The following NLGN1 variants were observed in gnomAD, a reference collection of about 807,000 sequenced individuals.
The protein encoded by NLGN1 is neuroligin 1.
NLGN1 carries 12 observed loss-of-function variants against 65.5 expected under a neutral mutation model. The observed-to-expected ratio is 0.18, with a 90% confidence interval of 0.12 to 0.30. The LOEUF is 0.30. Ranked by LOEUF, NLGN1 falls within the 10% of genes least tolerant of loss-of-function variation. NLGN1 has a pLI of 1.00. For missense variants in NLGN1, 750 were observed against 1,007.1 expected (o/e 0.74, Z 3.46); for synonymous variants, 350 against 359.5 (o/e 0.97, Z 0.30).
chr3:174,157,021 AT>A (rs1273043666), intron 4 of NLGN1, among the ~76,000 whole-genome samples: 2 of 149,846 alleles, frequency 1.3e-5, no homozygotes, highest in African/African-American at 4.9e-5. Context: ...GTAGAAAAAA[AT>A]ATATGTATAT....
At chr3:173,770,029 A>G (rs569706273) in intron 3 of NLGN1, among the ~76,000 whole-genome samples, 2 of 152,206 alleles carry the variant, frequency 1.3e-5, no homozygotes, top group African/African-American at 2.4e-5. Flanking sequence ...TATTCCAAGG[A>G]TACAGCAAAG....
chr3:173,561,452 T>C (rs1742715223), intron 2 of NLGN1, among the ~76,000 whole-genome samples: 1 of 152,164 alleles, frequency 6.6e-6, no homozygotes, highest in Non-Finnish European at 1.5e-5. Flanking sequence ...AGCCTTATTA[T>C]CTTCAGGCAG....
intron 3 of NLGN1, among the ~76,000 whole-genome samples, chr3:173,706,317 GA>G (rs1436964959): frequency 1.3e-5 from 2 of 152,082 alleles, no homozygotes; most frequent in African/African-American, 2.4e-5. Context: ...CCACTTTTTA[GA>G]AATAGATGTA....
intron 4 of NLGN1, among the ~76,000 whole-genome samples, chr3:173,831,856 T>C (rs1380099384): frequency 1.3e-5 from 2 of 152,212 alleles, no homozygotes; most frequent in African/African-American, 4.8e-5. Flanking sequence ...ATATTTAGAT[T>C]CTCTTTCTCT....
chr3:173,499,750 C>A (rs1312905979), intron 2 of NLGN1, among the ~76,000 whole-genome samples: 1 of 151,820 alleles, frequency 6.6e-6, no homozygotes, highest in African/African-American at 2.4e-5. Context: ...GTTTGTAGTT[C>A]TCCTTGAAGA....
At chr3:173,472,858 G>A (rs1725533933) in intron 2 of NLGN1, among the ~76,000 whole-genome samples, 1 of 152,090 alleles carries the variant, frequency 6.6e-6, no homozygotes, top group East Asian at 1.9e-4. Flanking sequence ...CTGAGTGTTT[G>A]ACCCAAATGG....
chr3:173,462,351 T>G (rs1222618000), intron 2 of NLGN1, among the ~76,000 whole-genome samples: 1 of 152,166 alleles, frequency 6.6e-6, no homozygotes, highest in Non-Finnish European at 1.5e-5. Context: ...CTTTCTTAAC[T>G]TTTTAGCTTT....
At chr3:173,529,536 G>T (rs1287255933) in intron 2 of NLGN1, among the ~76,000 whole-genome samples, 1 of 152,192 alleles carries the variant, frequency 6.6e-6, no homozygotes, top group African/African-American at 2.4e-5. Context: ...TGCACCAGCT[G>T]CATGCCCTAG....
intron 2 of NLGN1, among the ~76,000 whole-genome samples, chr3:173,463,453 C>T (rs898721940): frequency 5.9e-5 from 9 of 152,122 alleles, no homozygotes; most frequent in African/African-American, 2.2e-4. Flanking sequence ...CATTCAGTTC[C>T]ACATTCCAAC....
At chr3:174,040,883 A>G (rs563383295) in intron 4 of NLGN1, among the ~76,000 whole-genome samples, 54 of 152,102 alleles carry the variant, frequency 3.6e-4, no homozygotes, top group Non-Finnish European at 6.8e-4. Flanking sequence ...TTATTTTTTA[A>G]TATGTAGTTC....
intron 4 of NLGN1, among the ~76,000 whole-genome samples, chr3:174,197,128 G>T (rs1443821441): frequency 3.3e-5 from 5 of 152,170 alleles, no homozygotes; most frequent in African/African-American, 1.2e-4. Context: ...CCCACAGAAG[G>T]TGAGAAAGTT....
At chr3:173,470,351 T>C (rs925325621) in intron 2 of NLGN1, among the ~76,000 whole-genome samples, 6 of 152,102 alleles carry the variant, frequency 3.9e-5, no homozygotes, top group Non-Finnish European at 7.4e-5. Flanking sequence ...CATCATATTT[T>C]TGGGGATTTC....
Position 173,613,880 on chromosome 3 carries a change from T to A in NLGN1, c.493+8789T>A, listed in dbSNP as rs553264579. 6.6e-5 allele frequency among the ~76,000 whole-genome samples: 10 copies of A among 152,080 alleles called. No individual in the cohort carries two copies. In the South Asian group the frequency reaches 1.9e-3, roughly 28 times the overall value. On this transcript the variant is annotated intron_variant, in intron 3 of 6. Coordinates refer to ENST00000457714, the Ensembl canonical transcript of NLGN1. ...GGAGTCATTGTAACCATAATTATCA[T>A]TTTTAAAAGTAGAAAAATCTGATTA...
chr3:173,832,256 A>G (rs771265886), intron 4 of NLGN1, among the ~76,000 whole-genome samples: 9 of 152,162 alleles, frequency 5.9e-5, no homozygotes, highest in South Asian at 2.1e-4. Context: ...GATCCACTGC[A>G]CCTGGCCTTT....
At position 173,532,701 on chromosome 3, in the gene NLGN1, CTTAAAAA is replaced by C. The variant is rs1736790497; in HGVS notation, c.-320-71575_-320-71569del. On this transcript the variant is annotated intron_variant, in intron 2 of 6. Transcript: ENST00000457714. The stretch of plus-strand genomic sequence containing the variant: ...TCTTTTTTATTTCTAAGGTTGGCCA[CTTAAAAA>C]TTTAAAATTACATATGTGGCTCACA... Among the ~76,000 whole-genome samples the C allele has an allele frequency of 2.0e-5, 3 of 152,248 alleles. No individual in the cohort carries two copies. The South Asian group carries it at 6.2e-4, about 32-fold the overall frequency.
intron 4 of NLGN1, among the ~76,000 whole-genome samples, chr3:174,269,366 C>T (rs565617874): frequency 6.6e-6 from 1 of 151,962 alleles, no homozygotes; most frequent in South Asian, 2.1e-4. Flanking sequence ...TTGGTAACCA[C>T]CTTTCTAATA....
At chr3:173,629,299 A>G (rs1755308947) in intron 3 of NLGN1, among the ~76,000 whole-genome samples, 1 of 151,800 alleles carries the variant, frequency 6.6e-6, no homozygotes, top group South Asian at 2.1e-4. Context: ...TTTATTTAGT[A>G]GAGTGGGGGC....
intron 4 of NLGN1, among the ~76,000 whole-genome samples, chr3:174,175,441 A>T (rs897920937): frequency 6.6e-6 from 1 of 151,772 alleles, no homozygotes; most frequent in Non-Finnish European, 1.5e-5. Context: ...TCCTGAAGTA[A>T]ATATAGCTAC....
intron 4 of NLGN1, among the ~76,000 whole-genome samples, chr3:174,012,445 C>G (rs1158034264): frequency 6.6e-6 from 1 of 152,096 alleles, no homozygotes; most frequent in Admixed American, 6.6e-5. Context: ...AAGGCACAAG[C>G]CCTTACCTTC....
Sources: allele counts gnomAD v4.1 joint callset (sites outside exome capture counted in the v4.1 genomes callset), GRCh38; gene constraint gnomAD v4.1.1; transcripts MANE v1.5; gene names NCBI Gene and HGNC (gene_info 2026-07-23, HGNC 2026-07-21).